MBNL1: variants seen among roughly 807,000 people sequenced by gnomAD.
MBNL1 encodes muscleblind like splicing regulator 1.
A neutral mutation model predicts 42.2 loss-of-function variants in MBNL1; 8 were observed. That is an observed-to-expected ratio of 0.19 (90% confidence interval 0.11 to 0.34). MBNL1 has a LOEUF of 0.34. Ranked by LOEUF, MBNL1 falls within the 10% of genes least tolerant of loss-of-function variation. MBNL1 has a pLI of 1.00. For missense variants in MBNL1, 309 were observed against 495.3 expected (o/e 0.62, Z 3.57); for synonymous variants, 169 against 173.9 (o/e 0.97, Z 0.22).
intron 2 of MBNL1, chr3:152,340,922 C>T: frequency 6.3e-7 from 1 of 1,584,222 alleles, no homozygotes; most frequent in East Asian, 2.2e-5. Flanking sequence ...TTCTAATTCT[C>T]TCCAGACAGG....
chr3:152,371,862 G>T (rs1273792507), intron 2 of MBNL1, among the ~76,000 whole-genome samples: 1 of 152,068 alleles, frequency 6.6e-6, no homozygotes, highest in Non-Finnish European at 1.5e-5. Context: ...GCTAGGTTGG[G>T]GAAGTTCTCC....
At position 152,338,386 on chromosome 3, in the gene MBNL1, G is replaced by A. The variant is rs1368978982; in HGVS notation, c.174+38019G>A. The A allele has an allele frequency of 5.1e-6, 5 of 985,260 alleles. No homozygotes were observed. In the East Asian group the frequency reaches 5.7e-4, roughly 112 times the overall value. 61.0% of individuals were successfully genotyped at this position (985,260 alleles called of 1,614,324 possible). ...GTGATGGCTGCCTCTAAACCCTTGT[G>A]AAAGCGGGGAATATTCCTCCCCCTG... On this transcript the variant is annotated intron_variant, in intron 2 of 9. Coordinates refer to ENST00000324210, the MANE Select transcript of MBNL1 (RefSeq NM_021038.5).
chr3:152,245,638 T>C (rs1277978568), intron 2 of MBNL1, among the ~76,000 whole-genome samples: 1 of 152,216 alleles, frequency 6.6e-6, no homozygotes, highest in East Asian at 1.9e-4. Context: ...TGATAAATTT[T>C]GGTAAATGGT....
intron 2 of MBNL1, among the ~76,000 whole-genome samples, chr3:152,413,974 C>T (rs1237892383): frequency 1.3e-5 from 2 of 151,992 alleles, no homozygotes; most frequent in East Asian, 1.9e-4. Context: ...TTGAGATGAG[C>T]TCTCACTATG....
rs556925864 is a variant in MBNL1, at chr3:152,380,767, A to G, written c.175-34174A>G. On this transcript the variant is annotated intron_variant, in intron 2 of 9. Coordinates refer to ENST00000324210, the MANE Select transcript of MBNL1 (RefSeq NM_021038.5). ...AGGCACTTCTGATTACGTATTTCAA[A>G]TGTGTGTGGATGCCACTACACATTT... Among the ~76,000 whole-genome samples the G allele has an allele frequency of 2.8e-4, 43 of 152,190 alleles. No individual in the cohort carries two copies. In the South Asian group the frequency reaches 5.6e-3, roughly 20 times the overall value.
At chr3:152,264,477 T>C (rs1458877616), upstream of MBNL1, 1 of 152,116 alleles carries the variant, frequency 6.6e-6, no homozygotes, top group Non-Finnish European at 1.5e-5. Flanking sequence ...TTAGGCCTAT[T>C]TTAGAGCTTC....
chr3:152,319,614 G>GCTTTTTT (rs1184071631), intron 2 of MBNL1, among the ~76,000 whole-genome samples: 1 of 80,534 alleles, frequency 1.2e-5, no homozygotes, highest in Non-Finnish European at 2.3e-5. Context: ...GTTCTATACT[G>GCTTTTTT]TTTTTTTTTT....
chr3:152,262,041 C>T (rs1436447949), intron 2 of MBNL1, among the ~76,000 whole-genome samples: 2 of 152,122 alleles, frequency 1.3e-5, no homozygotes, highest in African/African-American at 2.4e-5. Flanking sequence ...TTTTCCCTCA[C>T]GTCTGTCCCC....
At chr3:152,277,258 T>C (rs1034235958) in intron 1 of MBNL1, among the ~76,000 whole-genome samples, 5 of 152,160 alleles carry the variant, frequency 3.3e-5, no homozygotes, top group African/African-American at 7.2e-5. Context: ...ATTGGTAATT[T>C]TAAAGTAAAC....
chr3:152,420,820 C>T (rs2098792517), intron 3 of MBNL1, among the ~76,000 whole-genome samples: 1 of 152,128 alleles, frequency 6.6e-6, no homozygotes, highest in Non-Finnish European at 1.5e-5. Flanking sequence ...ACAAACTCCT[C>T]TGAGCTAAAG....
At chr3:152,321,295 A>G in intron 2 of MBNL1, among the ~76,000 whole-genome samples, 1 of 152,116 alleles carries the variant, frequency 6.6e-6, no homozygotes, top group East Asian at 1.9e-4. Context: ...CTGGTAACAA[A>G]TGCTACAATC....
intron 1 of MBNL1, among the ~76,000 whole-genome samples, chr3:152,289,770 G>A (rs1386301768): frequency 6.6e-6 from 1 of 152,100 alleles, no homozygotes; most frequent in Non-Finnish European, 1.5e-5. Context: ...TAATGTTAAA[G>A]TGTGTAGCAC....
chr3:152,339,258 A>T (rs1330459673), intron 2 of MBNL1, among the ~76,000 whole-genome samples: 1 of 152,154 alleles, frequency 6.6e-6, no homozygotes, highest in Non-Finnish European at 1.5e-5. Flanking sequence ...TTAGATTTTA[A>T]AGGGAAAAAA....
intron 2 of MBNL1, among the ~76,000 whole-genome samples, chr3:152,246,743 A>G (rs1050631363): frequency 6.6e-6 from 1 of 151,784 alleles, no homozygotes; most frequent in Non-Finnish European, 1.5e-5. Flanking sequence ...AGTATTGTAA[A>G]ATTTGGTCTC....
At position 152,453,528 on chromosome 3, in the gene MBNL1, T is replaced by C. The variant is rs544057618; in HGVS notation, c.962-2014T>C. On this transcript the variant is annotated intron_variant, in intron 6 of 9. Transcript: ENST00000324210. ...ATTGAGGAAAAATTTAAATTGGCCA[T>C]TTGCACATTATTAGTAGTAAATCAA... Among the ~76,000 whole-genome samples the C allele has an allele frequency of 9.2e-5, 14 of 152,304 alleles. No individual in the cohort carries two copies. In the East Asian group the frequency reaches 2.5e-3, roughly 27 times the overall value.
At chr3:152,367,024 G>C (rs536030993) in intron 2 of MBNL1, among the ~76,000 whole-genome samples, 1 of 152,168 alleles carries the variant, frequency 6.6e-6, no homozygotes, top group East Asian at 1.9e-4. Flanking sequence ...CAATACATTA[G>C]ACGTAGTTTA....
intron 2 of MBNL1, among the ~76,000 whole-genome samples, chr3:152,337,205 G>A (rs866861343): frequency 1.3e-5 from 2 of 152,142 alleles, no homozygotes; most frequent in Non-Finnish European, 2.9e-5. Flanking sequence ...AGGCTTGTGA[G>A]TAGTTGAAGA....
intron 2 of MBNL1, among the ~76,000 whole-genome samples, chr3:152,249,466 T>C (rs2034063514): frequency 9.6e-6 from 1 of 103,846 alleles, no homozygotes; most frequent in Non-Finnish European, 2.3e-5. Flanking sequence ...AATGGGGTTG[T>C]TTGTTTTTTT....
At chr3:152,254,336 T>C (rs1188945708) in intron 2 of MBNL1, among the ~76,000 whole-genome samples, 12 of 152,258 alleles carry the variant, frequency 7.9e-5, no homozygotes, top group Admixed American at 7.8e-4. Flanking sequence ...ACTAACTTTT[T>C]AGAATCCTGG....
Sources: allele counts gnomAD v4.1 joint callset (sites outside exome capture counted in the v4.1 genomes callset), GRCh38; gene constraint gnomAD v4.1.1; transcripts MANE v1.5; gene names NCBI Gene and HGNC (gene_info 2026-07-23, HGNC 2026-07-21).